SCLT1: variants seen among roughly 807,000 people sequenced by gnomAD.
SCLT1 encodes the protein sodium channel-associated protein 1.
A neutral mutation model predicts 112.8 loss-of-function variants in SCLT1; 78 were observed. The observed-to-expected ratio is 0.69, with a 90% CI of 0.58 to 0.83. The LOEUF (loss-of-function observed/expected upper bound fraction) is 0.83. Among genes scored for constraint, SCLT1 ranks in the 40% least tolerant of loss-of-function variants. The pLI is 0.00. For missense variants in SCLT1, 747 were observed against 770.4 expected, an observed-to-expected ratio of 0.97 and a Z score of 0.36; for synonymous variants, 257 against 254.7, an observed-to-expected ratio of 1.01 and a Z score of -0.09.
chr4:129,046,728 G>A (rs1426843871), intron 2 of SCLT1, among the ~76,000 whole-genome samples: 1 of 152,064 alleles, frequency 6.6e-6, no homozygotes. Flanking sequence ...GTATCAGTCA[G>A]ATCTAGAAGA....
In SCLT1 at chr4:129,057,187, A is replaced by G. The variant is rs958111187; in HGVS notation, c.103-13136T>C. Among the ~76,000 whole-genome samples, 7 of 152,282 alleles carry G rather than the reference A, an allele frequency of 4.6e-5. No homozygotes were observed. In the East Asian group the frequency reaches 1.2e-3, roughly 25 times the overall value. On this transcript the variant is annotated intron_variant, in intron 2 of 20. Coordinates refer to ENST00000281142, the MANE Select transcript of SCLT1 (RefSeq NM_144643.4). ...TCCTCACATCTCTTGATCCCACTTG[A>G]TAATGGTAAATAATCCTTTTAATAT...
chr4:128,941,480 G>A (rs1331680923), intron 17 of SCLT1, among the ~76,000 whole-genome samples: 1 of 151,910 alleles, frequency 6.6e-6, no homozygotes, highest in Non-Finnish European at 1.5e-5. Context: ...TCTGGAAATG[G>A]AGTATCTATT....
Position 128,998,076 on chromosome 4 carries a change from G to A in SCLT1, c.550-137C>T, listed in dbSNP as rs1743162456. 6 of 405,420 alleles carry A rather than the reference G, an allele frequency of 1.5e-5. 1 individual carries two copies. The East Asian group carries it at 2.2e-4, about 15-fold the overall frequency. The allele number at this position is 405,420 out of a possible 1,614,324, so 25.1% of individuals were successfully genotyped here. A position where few individuals can be genotyped will look rare whatever the true frequency, so the allele number is the denominator to read the frequency against. On this transcript the variant is annotated intron_variant, in intron 7 of 20. Transcript: ENST00000281142. ...ATTAGTAGTGTTTCTTATTACTATT[G>A]TGTGAATTAGTAGTTGAAAAACTAA...
At position 128,952,803 on chromosome 4, in the gene SCLT1, G is replaced by T; in HGVS notation, c.1184C>A (p.Ser395Tyr). 6.4e-7 allele frequency: 1 copy of T among 1,568,744 alleles called. No homozygotes were observed. Among genetic ancestry groups the T allele is most frequent in the Non-Finnish European group, 8.8e-7 (1 of 1,138,914 alleles). The change falls in exon 14 of 21, where the codon TCT (serine) becomes TAT (tyrosine). Residue 395 changes from serine to tyrosine, a missense_variant. Transcript: ENST00000281142. ...GGCTGAAAGTTCTTCTGTTAATCGA[G>T]AAATTTGTATATTACATTGTTTTTT... is the stretch of plus-strand genomic sequence containing the variant. ...NTKKQCNIQISRLTEELSALQ... is the reference protein window; with the variant it reads ...NTKKQCNIQIYRLTEELSALQ...
At chr4:128,890,242 G>C (rs1733205135) in intron 19 of SCLT1, among the ~76,000 whole-genome samples, 1 of 152,082 alleles carries the variant, frequency 6.6e-6, no homozygotes, top group African/African-American at 2.4e-5. Context: ...ATATGCAACT[G>C]TTCCTTTTCT....
At chr4:129,071,863 GTTTT>G in intron 2 of SCLT1, among the ~76,000 whole-genome samples, 1 of 152,038 alleles carries the variant, frequency 6.6e-6, no homozygotes, top group South Asian at 2.1e-4. Flanking sequence ...GTGTACTTTG[GTTTT>G]TTTGTTTTTG....
chr4:129,091,021 C>A (rs535642680), intron 1 of SCLT1, among the ~76,000 whole-genome samples: 1 of 152,010 alleles, frequency 6.6e-6, no homozygotes, highest in Non-Finnish European at 1.5e-5. Flanking sequence ...CAAATCCAAA[C>A]GGAACAAAGA....
chr4:129,027,573 C>G (rs1241180951), intron 5 of SCLT1, among the ~76,000 whole-genome samples: 14 of 152,064 alleles, frequency 9.2e-5, no homozygotes, highest in Admixed American at 8.5e-4. Flanking sequence ...CAATATCATA[C>G]TGAATGGGCA....
chr4:129,073,628 CAG>C, intron 2 of SCLT1, among the ~76,000 whole-genome samples: 1 of 152,222 alleles, frequency 6.6e-6, no homozygotes, highest in Non-Finnish European at 1.5e-5. Flanking sequence ...ATCATATTCC[CAG>C]AGTCTAACAC....
rs141015137 is a variant in SCLT1, at chr4:128,975,686, T to C, written c.687-5218A>G. On this transcript the variant is annotated intron_variant, in intron 9 of 20. Transcript: ENST00000281142. ...AAAATAAAAAAATGCACACGTTAGG[T>C]AATTTAATAAGGACTTTTGTAATTA... 1.6e-3 allele frequency among the ~76,000 whole-genome samples: 249 copies of C among 152,290 alleles called. 2 individuals are homozygous for C. The highest frequency in any genetic ancestry group is 0.014 in the East Asian group (71 of 5,186).
At chr4:128,975,830 C>T (rs1741124979) in intron 9 of SCLT1, among the ~76,000 whole-genome samples, 1 of 152,068 alleles carries the variant, frequency 6.6e-6, no homozygotes, top group Non-Finnish European at 1.5e-5. Flanking sequence ...TGAGTAAGTA[C>T]CAAAACTGGA....
At position 128,936,606 on chromosome 4, in the gene SCLT1, TA is replaced by T. The variant is rs771131631; in HGVS notation, c.1829+48del. Reference sequence around the variant, plus strand: ...ATGGCAAGGACATTAAACTATAGGTTAAAGAATTTCTTCTGTAAAACATGTC... The same window carrying T: ...ATGGCAAGGACATTAAACTATAGGTTAAGAATTTCTTCTGTAAAACATGTC... On this transcript the variant is annotated intron_variant, in intron 18 of 20. Transcript: ENST00000281142. 2.0e-4 allele frequency: 237 copies of T among 1,188,018 alleles called. 1 individual carries two copies. The South Asian group carries it at 3.3e-3, about 17-fold the overall frequency. The allele number at this position is 1,188,018 out of a possible 1,614,324, so 73.6% of individuals were successfully genotyped here.
At chr4:128,984,260 T>A (rs1357069332) in intron 9 of SCLT1, among the ~76,000 whole-genome samples, 2 of 152,164 alleles carry the variant, frequency 1.3e-5, no homozygotes, top group African/African-American at 4.8e-5. Flanking sequence ...CTCATCATAC[T>A]TTTTTCCCCT....
At chr4:129,074,375 A>C (rs1751279626) in intron 2 of SCLT1, among the ~76,000 whole-genome samples, 1 of 152,286 alleles carries the variant, frequency 6.6e-6, no homozygotes, top group South Asian at 2.1e-4. Context: ...ATCCAAAGTA[A>C]TTATAAAAGT....
intron 11 of SCLT1, among the ~76,000 whole-genome samples, chr4:128,961,658 C>A (rs556704041): frequency 6.6e-6 from 1 of 152,200 alleles, no homozygotes; most frequent in South Asian, 2.1e-4. Context: ...AAGTTCTTAT[C>A]TGTCTAAACT....
At chr4:128,928,736 G>T (rs1294358048) in intron 18 of SCLT1, among the ~76,000 whole-genome samples, 1 of 152,028 alleles carries the variant, frequency 6.6e-6, no homozygotes, top group African/African-American at 2.4e-5. Context: ...GGAGGCTGAG[G>T]CAGGAGAATC....
intron 10 of SCLT1, among the ~76,000 whole-genome samples, chr4:128,969,174 T>A (rs765165342): frequency 7.9e-5 from 12 of 152,206 alleles, no homozygotes; most frequent in Non-Finnish European, 1.3e-4. Flanking sequence ...CACTTCCATA[T>A]GCATAATTTA....
intron 2 of SCLT1, among the ~76,000 whole-genome samples, chr4:129,064,070 T>C (rs1750249015): frequency 6.6e-6 from 1 of 152,204 alleles, no homozygotes; most frequent in African/African-American, 2.4e-5. Context: ...AGGGTGGTTG[T>C]CAAAATTGGT....
At chr4:129,027,754 A>T (rs1011386988) in intron 5 of SCLT1, among the ~76,000 whole-genome samples, 1 of 152,218 alleles carries the variant, frequency 6.6e-6, no homozygotes, top group Non-Finnish European at 1.5e-5. Context: ...TTTGCAGATG[A>T]CATGATTGTA....
Sources: allele counts gnomAD v4.1 joint callset (sites outside exome capture counted in the v4.1 genomes callset), GRCh38; gene constraint gnomAD v4.1.1; transcripts MANE v1.5; gene names NCBI Gene and HGNC (gene_info 2026-07-23, HGNC 2026-07-21).